CYSTM1: variants seen among roughly 807,000 people sequenced by gnomAD.
CYSTM1 encodes the protein cysteine rich transmembrane module containing 1.
A neutral mutation model predicts 13.1 loss-of-function variants in CYSTM1; 4 were observed. The ratio of observed to expected loss-of-function variants is 0.31; its 90% CI spans 0.15 to 0.70. The LOEUF (loss-of-function observed/expected upper bound fraction) is 0.70. Ranked by LOEUF, CYSTM1 falls within the 30% of genes least tolerant of loss-of-function variation. The pLI is 0.72. For synonymous variants in CYSTM1, 36 were observed against 42.7 expected, an observed-to-expected ratio of 0.84 and a Z score of 0.62; for missense variants, 96 against 121.6, an observed-to-expected ratio of 0.79 and a Z score of 0.99.
chr5:140,196,102 C>T (rs1764153909), intron 2 of CYSTM1, among the ~76,000 whole-genome samples: 1 of 151,720 alleles, frequency 6.6e-6, no homozygotes, highest in Admixed American at 6.6e-5. Flanking sequence ...TATACATTAA[C>T]ATTTAATCCT....
At chr5:140,201,551 C>A (rs1764234315) in intron 2 of CYSTM1, 2 of 152,334 alleles carry the variant, frequency 1.3e-5, no homozygotes, top group South Asian at 4.1e-4. Flanking sequence ...CTATACTATA[C>A]CTCCAGTAGA....
At chr5:140,226,481 A>ATT (rs1764551375) in intron 2 of CYSTM1, among the ~76,000 whole-genome samples, 1 of 117,020 alleles carries the variant, frequency 8.5e-6, no homozygotes, top group Non-Finnish European at 1.7e-5. Flanking sequence ...ATATATATAT[A>ATT]TTTATATATA....
chr5:140,236,512 TCTCA>T (rs1436896727), intron 2 of CYSTM1, among the ~76,000 whole-genome samples: 1 of 152,238 alleles, frequency 6.6e-6, no homozygotes, highest in Non-Finnish European at 1.5e-5. Flanking sequence ...TACTATATGA[TCTCA>T]CTATTTAAGA....
intron 2 of CYSTM1, among the ~76,000 whole-genome samples, chr5:140,195,067 T>A (rs1764138694): frequency 6.6e-6 from 1 of 152,236 alleles, no homozygotes; most frequent in Non-Finnish European, 1.5e-5. Flanking sequence ...GTTTTTCTTT[T>A]TTTTCTTACT....
chr5:140,186,802 C>G lies in CYSTM1; in HGVS notation c.-20-7644C>G, dbSNP rs551293595. On this transcript the variant is annotated intron_variant, in intron 1 of 2. Transcript: ENST00000261811. ...TCAATGCCAAAATTTGATGAAAACT[C>G]TAAACCAGAGATGATATGGCAGTAT... Among the ~76,000 whole-genome samples the G allele has an allele frequency of 5.3e-5, 8 of 152,228 alleles. No homozygotes were observed. The South Asian group carries it at 1.7e-3, about 32-fold the overall frequency.
At chr5:140,216,231 T>G (rs1002421979) in intron 2 of CYSTM1, among the ~76,000 whole-genome samples, 21 of 152,252 alleles carry the variant, frequency 1.4e-4, no homozygotes, top group Non-Finnish European at 5.9e-5. Context: ...AAGGAGTGAT[T>G]ATCAGCTTTC....
intron 1 of CYSTM1, among the ~76,000 whole-genome samples, chr5:140,183,747 G>C (rs1245315522): frequency 6.6e-6 from 1 of 152,210 alleles, no homozygotes; most frequent in African/African-American, 2.4e-5. Context: ...AATGCAGAGG[G>C]GAATACTGCA....
chr5:140,226,148 GC>G (rs1764546564), intron 2 of CYSTM1, among the ~76,000 whole-genome samples: 1 of 152,140 alleles, frequency 6.6e-6, no homozygotes, highest in African/African-American at 2.4e-5. Context: ...GAAGCACTGT[GC>G]CCAGCATTTT....
chr5:140,201,788 A>G (rs1410346507), intron 2 of CYSTM1: 9 of 152,176 alleles, frequency 5.9e-5, no homozygotes, highest in Admixed American at 5.9e-4. Context: ...TTAACCAGCA[A>G]CGGAGGTTCA....
At chr5:140,208,501 G>A (rs537164784) in intron 2 of CYSTM1, among the ~76,000 whole-genome samples, 2 of 151,426 alleles carry the variant, frequency 1.3e-5, no homozygotes, top group Non-Finnish European at 2.9e-5. Context: ...AAGAATGAAT[G>A]AGTCTGGTAT....
At chr5:140,232,859 G>T (rs557025391) in intron 2 of CYSTM1, among the ~76,000 whole-genome samples, 2 of 152,148 alleles carry the variant, frequency 1.3e-5, no homozygotes, top group Non-Finnish European at 2.9e-5. Context: ...AGGGAGTCAG[G>T]CTAATGTCAC....
At chr5:140,177,547 C>T (rs1186207915) in intron 1 of CYSTM1, among the ~76,000 whole-genome samples, 2 of 152,182 alleles carry the variant, frequency 1.3e-5, no homozygotes, top group Admixed American at 1.3e-4. Flanking sequence ...AAGGTGGCCG[C>T]AGCTGGTTTG....
chr5:140,210,148 T>C (rs1317928289), intron 2 of CYSTM1, among the ~76,000 whole-genome samples: 1 of 152,216 alleles, frequency 6.6e-6, no homozygotes, highest in Non-Finnish European at 1.5e-5. Context: ...TATTTCCTAG[T>C]CAGTTCTTGT....
At chr5:140,204,932 A>G (rs780316123) in intron 2 of CYSTM1, among the ~76,000 whole-genome samples, 56 of 152,262 alleles carry the variant, frequency 3.7e-4, no homozygotes, top group Non-Finnish European at 7.1e-4. Flanking sequence ...TAACTCCCAT[A>G]AGTCCAGATA....
chr5:140,224,022 A>G (rs1176456681), intron 2 of CYSTM1, among the ~76,000 whole-genome samples: 4 of 152,204 alleles, frequency 2.6e-5, no homozygotes, highest in Non-Finnish European at 4.4e-5. Flanking sequence ...AACAGAAGCA[A>G]TGTCTCAGGT....
chr5:140,186,130 CTA>C (rs35886519), intron 1 of CYSTM1, among the ~76,000 whole-genome samples: 29,335 of 152,062 alleles, frequency 0.19, 3,009 homozygotes, highest in South Asian at 0.24. Flanking sequence ...AGCAAGCCAG[CTA>C]TATAGTTCTT....
At chr5:140,184,615 G>A (rs893013439) in intron 1 of CYSTM1, among the ~76,000 whole-genome samples, 2 of 152,154 alleles carry the variant, frequency 1.3e-5, no homozygotes, top group African/African-American at 4.8e-5. Context: ...AATACCTGGT[G>A]GCTAAGGATA....
chr5:140,178,626 G>T (rs576011858), intron 1 of CYSTM1, among the ~76,000 whole-genome samples: 1 of 150,842 alleles, frequency 6.6e-6, no homozygotes, highest in East Asian at 2.0e-4. Flanking sequence ...TTTGAGACAG[G>T]TTCTGGCTCT....
intron 2 of CYSTM1, among the ~76,000 whole-genome samples, chr5:140,224,195 A>G (rs1022014834): frequency 6.6e-6 from 1 of 152,120 alleles, no homozygotes; most frequent in African/African-American, 2.4e-5. Context: ...GCTGGAGTGC[A>G]GTGGCGAAAT....
Sources: gnomAD v4.1 joint callset for allele counts (sites outside exome capture counted in the v4.1 genomes callset) on GRCh38, gnomAD v4.1.1 for gene constraint, MANE v1.5 for transcripts, NCBI Gene and HGNC (gene_info 2026-07-23, HGNC 2026-07-21) for gene names.